LONP1: variants seen among roughly 807,000 people sequenced by gnomAD.
LONP1 encodes lon peptidase 1, mitochondrial, also known as lon protease homolog, mitochondrial.
LONP1 carries 31 observed loss-of-function variants against 98.5 expected under a neutral mutation model. The ratio of observed to expected loss-of-function variants is 0.31; its 90% CI spans 0.24 to 0.42. LONP1 has a LOEUF of 0.42. Ranked by LOEUF, LONP1 falls within the 20% of genes least tolerant of loss-of-function variation. LONP1 has a pLI of 1.00. For synonymous variants in LONP1, 781 were observed against 594.7 expected, an observed-to-expected ratio of 1.31 and a Z score of -4.56; for missense variants, 1,336 against 1,350.6, an observed-to-expected ratio of 0.99 and a Z score of 0.17.
chr19:5,698,729 C>A (rs2054988318), intron 10 of LONP1, among the ~76,000 whole-genome samples: 1 of 152,224 alleles, frequency 6.6e-6, no homozygotes, highest in South Asian at 2.1e-4. Flanking sequence ...CAGCTCTGGC[C>A]CGGGCATTGC....
At position 5,692,061 on chromosome 19, in the gene LONP1, G is replaced by C; in HGVS notation, c.2851C>G (p.Gln951Glu). Residue 951 changes from glutamine to glutamate, a missense_variant, in exon 18 of 18, where the codon CAG becomes GAG. Physicochemically the swap from Gln to Glu is conservative, Grantham distance 29 (BLOSUM62 2). Around this residue, in one of 5 missense-constraint regions of LONP1, gnomAD observed 555 missense variants for 542.6 expected, o/e 1.02. Transcript: ENST00000360614. ...EIFDIAFPDEQAEALAVER is the reference protein window; with the variant it reads ...EIFDIAFPDEEAEALAVER The stretch of plus-strand genomic sequence containing the variant: ...CGTTCCACGGCCAGCGCCTCTGCCT[G>C]CTCGTCCGGGAAGGCGATGTCGAAG... The C allele has an allele frequency of 6.2e-7, 1 of 1,604,190 alleles. No homozygotes were observed.
At chr19:5,692,382 A>C in intron 17 of LONP1, 174 bp from the exon 18 acceptor site, 1 of 576,124 alleles carries the variant, frequency 1.7e-6, no homozygotes, top group South Asian at 2.5e-5. Flanking sequence ...AAACAGGCTC[A>C]AGGCAAAACC....
intron 10 of LONP1, among the ~76,000 whole-genome samples, chr19:5,697,933 C>A (rs1055266181): frequency 1.3e-5 from 2 of 152,052 alleles, no homozygotes; most frequent in Admixed American, 6.6e-5. Flanking sequence ...AGAGGCTTCG[C>A]GACCACTTCA....
At chr19:5,697,093 C>T (rs2054945957) in intron 10 of LONP1, among the ~76,000 whole-genome samples, 1 of 152,158 alleles carries the variant, frequency 6.6e-6, no homozygotes, top group Non-Finnish European at 1.5e-5. Flanking sequence ...CACGCCTCAG[C>T]CCTCAAGGGC....
intron 1 of LONP1, among the ~76,000 whole-genome samples, chr19:5,718,257 C>T (rs2055353612): frequency 6.6e-6 from 1 of 152,016 alleles, no homozygotes; most frequent in South Asian, 2.1e-4. Context: ...GCGGGTGAAT[C>T]ACTTGAGGTC....
At chr19:5,719,579 G>C in intron 1 of LONP1, 125 bp downstream of exon 1, 1 of 1,525,688 alleles carries the variant, frequency 6.6e-7, no homozygotes, top group Non-Finnish European at 8.8e-7. Context: ...GATTCGAACT[G>C]CACCCTTCGA....
At chr19:5,704,095 C>T in intron 8 of LONP1, among the ~76,000 whole-genome samples, 1 of 152,148 alleles carries the variant, frequency 6.6e-6, no homozygotes, top group Non-Finnish European at 1.5e-5. Flanking sequence ...ACCCAGGGGG[C>T]CCAGGTTCCT....
intron 1 of LONP1, among the ~76,000 whole-genome samples, chr19:5,716,036 C>A (rs902472920): frequency 6.6e-6 from 1 of 151,462 alleles, no homozygotes; most frequent in Admixed American, 6.6e-5. Flanking sequence ...TGATTTCTTT[C>A]AAGCCTTTGT....
chr19:5,716,259 C>CATATATATATACAT, intron 1 of LONP1, among the ~76,000 whole-genome samples: 1 of 77,222 alleles, frequency 1.3e-5, no homozygotes, highest in South Asian at 6.1e-4. Flanking sequence ...TTAAAATATA[C>CATATATATATACAT]ATATATATAT....
chr19:5,703,626 G>A (rs1342908096), intron 8 of LONP1, among the ~76,000 whole-genome samples: 1 of 151,656 alleles, frequency 6.6e-6, no homozygotes, highest in African/African-American at 2.4e-5. Flanking sequence ...CACCCAACGG[G>A]CATACGAGAC....
At position 5,692,070 on chromosome 19, in the gene LONP1, G is replaced by A. The variant is rs1351587881; in HGVS notation, c.2842C>T (p.Pro948Ser). 1.2e-6 allele frequency: 2 copies of A among 1,610,422 alleles called. No homozygotes were observed. The highest frequency in any genetic ancestry group is 8.5e-7 in the Non-Finnish European group (1 of 1,177,766). Residue 948 changes from proline to serine, a missense_variant, in exon 18 of 18, where the codon CCG becomes TCG. By Grantham distance (74) the Pro-to-Ser change is moderately conservative. Coordinates refer to ENST00000360614, the MANE Select transcript of LONP1 (RefSeq NM_004793.4). The stretch of plus-strand genomic sequence containing the variant: ...GCCAGCGCCTCTGCCTGCTCGTCCG[G>A]GAAGGCGATGTCGAAGATCTCCCGG... ...HYREIFDIAF[P>S]DEQAEALAVE...
In LONP1 at chr19:5,694,566, G is replaced by T; in HGVS notation, c.2155-14C>A. 6.2e-7 allele frequency: 1 copy of T among 1,610,964 alleles called. No individual in the cohort carries two copies. Among genetic ancestry groups the T allele is most frequent in the Non-Finnish European group, 8.5e-7 (1 of 1,178,692 alleles). On this transcript the variant is annotated splice_polypyrimidine_tract_variant and intron_variant, in intron 14 of 17. Transcript: ENST00000360614. ...TTTCCGTAACACCTGGGCGGTCAGG[G>T]CAACACAATGGGCACGGGAAGGTGG...
intron 8 of LONP1, among the ~76,000 whole-genome samples, chr19:5,701,474 G>A (rs966479925): frequency 6.6e-6 from 1 of 152,210 alleles, no homozygotes; most frequent in Non-Finnish European, 1.5e-5. Flanking sequence ...GCGATTGCAG[G>A]CGCGCGCCGC....
intron 1 of LONP1, among the ~76,000 whole-genome samples, chr19:5,716,814 G>C (rs1344417041): frequency 1.3e-5 from 2 of 152,104 alleles, no homozygotes; most frequent in African/African-American, 4.8e-5. Flanking sequence ...TTTTTTTTAA[G>C]ACAGAGTCTT....
rs748293411 is a variant in LONP1, at chr19:5,693,441, G to A, written c.2560C>T (p.Pro854Ser). ...VPEGATPKDG[P>S]SAGCTIVTAL... ...GTGACGATGGTGCAGCCTGCGCTTG[G>A]GCCGTCCTTGGGGGTGGCGCCCTGT... is the stretch of plus-strand genomic sequence containing the variant. Residue 854 changes from proline to serine, a missense_variant, in exon 17 of 18, where the codon CCA becomes TCA. This residue lies in a region of LONP1 where 555 missense variants were observed against 542.6 expected (regional missense o/e 1.02). Transcript: ENST00000360614. The A allele has an allele frequency of 1.4e-5, 22 of 1,611,676 alleles. No individual in the cohort carries two copies. Among genetic ancestry groups the A allele is most frequent in the South Asian group, 6.6e-5 (6 of 91,030 alleles).
rs79063974 is a variant in LONP1 at position 5,698,870 on chromosome 19, G to A, written c.1685+157C>T. ...CTGGAATCAGCTGGGCCTGAAGTCC[G>A]CCACATGGCTGGACTTTTCAGTTAC... On this transcript the variant is annotated intron_variant, in intron 10 of 17. Coordinates refer to ENST00000360614, the MANE Select transcript of LONP1 (RefSeq NM_004793.4). Among the ~76,000 whole-genome samples, 244 of 152,368 alleles carry A rather than the reference G, an allele frequency of 1.6e-3. 1 individual carries two copies. The highest frequency in any genetic ancestry group is 5.5e-3 in the African/African-American group (229 of 41,586).
chr19:5,694,372 C>T lies in LONP1; in HGVS notation c.2320+15G>A, dbSNP rs201965732. On this transcript the variant is annotated intron_variant, in intron 15 of 17. Coordinates refer to ENST00000360614, the MANE Select transcript of LONP1 (RefSeq NM_004793.4). The stretch of plus-strand genomic sequence containing the variant: ...TGGGAATGGCTTTGGGGTCTTCTCC[C>T]GCCACCACGCTCACCCATTGCGGTC... 3.4e-5 allele frequency: 55 copies of T among 1,609,830 alleles called. No homozygotes were observed. In the Middle Eastern group the frequency reaches 4.9e-4, roughly 14 times the overall value.
chr19:5,707,819 C>T lies in LONP1; in HGVS notation c.940G>A (p.Val314Met). The T allele has an allele frequency of 6.2e-7, 1 of 1,613,062 alleles. No individual in the cohort carries two copies. Among genetic ancestry groups the T allele is most frequent in the Non-Finnish European group, 8.5e-7 (1 of 1,179,866 alleles). ...IALNPLYRES[V>M]LQMMQAGQRV... ...TGGCCAGCCTGCATCATCTGCAGCA[C>T]TGACTCCCTGGGGGACAAAGGGAGC... The change falls in exon 6 of 18, where the codon GTG becomes ATG. Residue 314 changes from valine (V) to methionine (M), a missense_variant. This residue lies in a region of LONP1 where 97 missense variants were observed against 139.0 expected (regional missense o/e 0.70). Transcript: ENST00000360614.
chr19:5,704,034 C>T (rs1397414635), intron 8 of LONP1, among the ~76,000 whole-genome samples: 1 of 152,222 alleles, frequency 6.6e-6, no homozygotes, highest in Non-Finnish European at 1.5e-5. Context: ...CAGCAGGGAA[C>T]TGCAGATGGG....
Sources: gnomAD v4.1 joint callset for allele counts (sites outside exome capture counted in the v4.1 genomes callset) on GRCh38, gnomAD v4.1.1 for gene constraint, gnomAD v4.1.1 regional missense constraint, MANE v1.5 for transcripts, NCBI Gene and HGNC (gene_info 2026-07-23, HGNC 2026-07-21) for gene names.